AP1B1: variants seen among roughly 807,000 people sequenced by gnomAD.
AP1B1 encodes AP-1 complex subunit beta-1.
A neutral mutation model predicts 104.3 loss-of-function variants in AP1B1; 36 were observed. That is an observed-to-expected ratio of 0.35 (90% CI 0.26 to 0.46). The LOEUF is 0.46. Among genes scored for constraint, AP1B1 ranks in the 20% least tolerant of loss-of-function variants. The probability of loss-of-function intolerance (pLI) is 1.00; values close to 1 mark genes in which losing one functional copy is unlikely to be tolerated. For missense variants in AP1B1, 901 were observed against 1,247.9 expected (o/e 0.72, Z 4.19); for synonymous variants, 504 against 517.5 (o/e 0.97, Z 0.35).
intron 1 of AP1B1, among the ~76,000 whole-genome samples, chr22:29,371,786 T>TGG (rs2062243170): frequency 6.6e-6 from 1 of 152,160 alleles, no homozygotes; most frequent in South Asian, 2.1e-4. Context: ...ATTCCATCTT[T>TGG]GGAAGTGTCA....
rs114847226 is a variant in AP1B1, at chr22:29,371,114, A to G, written c.-27-3844T>C. On this transcript the variant is annotated intron_variant, in intron 1 of 22. Transcript: ENST00000357586. ...CTCACTTCACCATGAATGATTCCCT[A>G]CCTACAGCTTAGTGATGTACTGAGG... Among the ~76,000 whole-genome samples, 324 of 152,270 alleles carry G rather than the reference A, an allele frequency of 2.1e-3. 2 individuals carry two copies. The highest frequency in any genetic ancestry group is 7.5e-3 in the African/African-American group (312 of 41,554).
intron 1 of AP1B1, among the ~76,000 whole-genome samples, chr22:29,381,003 C>A (rs1285537905): frequency 6.6e-6 from 1 of 152,230 alleles, no homozygotes; most frequent in East Asian, 1.9e-4. Context: ...ACTCTTCTCC[C>A]CATCATTCCC....
chr22:29,367,697 C>G (rs1247560158), intron 1 of AP1B1, among the ~76,000 whole-genome samples: 1 of 152,156 alleles, frequency 6.6e-6, no homozygotes, highest in Non-Finnish European at 1.5e-5. Flanking sequence ...GTGGGACCCA[C>G]TTTGCTCAGC....
At chr22:29,341,466 G>A (rs1353679640) in intron 13 of AP1B1, 35 bp downstream of exon 13, 9 of 1,593,130 alleles carry the variant, frequency 5.6e-6, no homozygotes, top group African/African-American at 5.4e-5. Flanking sequence ...GAAGCAGAGT[G>A]TGAAGGCGCA....
chr22:29,374,771 C>T (rs1336201277), intron 1 of AP1B1, among the ~76,000 whole-genome samples: 1 of 152,230 alleles, frequency 6.6e-6, no homozygotes, highest in Admixed American at 6.5e-5. Flanking sequence ...GCTTCTAGGA[C>T]TTTACATGTG....
intron 2 of AP1B1, 131 bp downstream of exon 2, chr22:29,367,076 A>C (rs1396539741): frequency 2.9e-5 from 22 of 754,668 alleles, no homozygotes; most frequent in Non-Finnish European, 4.8e-5. Context: ...ATCTACCACA[A>C]GCTCTAGGCC....
intron 1 of AP1B1, among the ~76,000 whole-genome samples, chr22:29,387,544 G>A (rs1412265679): frequency 6.6e-6 from 1 of 152,066 alleles, no homozygotes; most frequent in Non-Finnish European, 1.5e-5. Context: ...CTGACCTCAC[G>A]ATCCACCCGC....
chr22:29,364,120 G>A (rs2062094625), intron 2 of AP1B1, among the ~76,000 whole-genome samples: 1 of 152,218 alleles, frequency 6.6e-6, no homozygotes, highest in African/African-American at 2.4e-5. Flanking sequence ...GGCTTGCGGG[G>A]TGAGAGCAGG....
intron 1 of AP1B1, among the ~76,000 whole-genome samples, chr22:29,375,568 G>C (rs1437538738): frequency 6.6e-6 from 1 of 152,012 alleles, no homozygotes; most frequent in Non-Finnish European, 1.5e-5. Context: ...TAAGATGAGA[G>C]AGCTGTGACA....
intron 22 of AP1B1, chr22:29,329,406 G>A (rs1393412510): frequency 4.7e-6 from 6 of 1,282,180 alleles, no homozygotes; most frequent in African/African-American, 3.1e-5. Flanking sequence ...GAGGAGAGAG[G>A]AGCCCCCACC....
At chr22:29,336,009 C>T (rs2061632669) in intron 16 of AP1B1, among the ~76,000 whole-genome samples, 1 of 152,206 alleles carries the variant, frequency 6.6e-6, no homozygotes, top group African/African-American at 2.4e-5. Flanking sequence ...TCGCCCAAGG[C>T]TGGGGATGCA....
intron 3 of AP1B1, among the ~76,000 whole-genome samples, chr22:29,362,254 A>G (rs2148009995): frequency 6.6e-6 from 1 of 152,348 alleles, no homozygotes; most frequent in African/African-American, 2.4e-5. Context: ...TCCAATCTGC[A>G]CGTGTGTTTT....
chr22:29,361,535 G>C (rs930446762), intron 3 of AP1B1, among the ~76,000 whole-genome samples: 3 of 152,016 alleles, frequency 2.0e-5, no homozygotes, highest in Non-Finnish European at 4.4e-5. Context: ...CTACAATATG[G>C]GAATTGTAAG....
At chr22:29,330,563 A>C (rs764838259) in intron 20 of AP1B1, 31 bp from the exon 21 acceptor site, 9 of 1,610,424 alleles carry the variant, frequency 5.6e-6, no homozygotes, top group South Asian at 1.1e-5. Flanking sequence ...GAGAGGCCCC[A>C]GTCAGCGCGG....
At chr22:29,356,838 A>G (rs2061966233) in intron 5 of AP1B1, among the ~76,000 whole-genome samples, 1 of 152,156 alleles carries the variant, frequency 6.6e-6, no homozygotes, top group South Asian at 2.1e-4. Context: ...GAAAAACAAG[A>G]AAGACCTAGC....
chr22:29,340,759 A>G lies in AP1B1; in HGVS notation c.1895T>C (p.Leu632Pro). Reference sequence around the variant, plus strand: ...TGGGGGGCCGAGGTCCAGGTTGAGGAGGTCACCCAGCAGGTCGCCCTGGGC... The same window carrying G: ...TGGGGGGCCGAGGTCCAGGTTGAGGGGGTCACCCAGCAGGTCGCCCTGGGC... Reference protein sequence around the residue: ...IPAQGDLLGDLLNLDLGPPVS... With the variant: ...IPAQGDLLGDPLNLDLGPPVS... The change falls in exon 14 of 23, where the codon CTC becomes CCC. Residue 632 changes from leucine to proline, a missense_variant. By Grantham distance (98) the Leu-to-Pro change is moderately conservative (BLOSUM62 -3). Around this residue, in one of 3 missense-constraint regions of AP1B1, gnomAD observed 424 missense variants for 494.0 expected, o/e 0.86. Transcript: ENST00000357586. The G allele has an allele frequency of 5.0e-6, 8 of 1,598,874 alleles. No individual in the cohort carries two copies. The highest frequency in any genetic ancestry group is 6.0e-6 in the Non-Finnish European group (7 of 1,173,960).
intron 21 of AP1B1, 124 bp from the exon 22 acceptor site, chr22:29,329,844 G>A: frequency 2.0e-6 from 3 of 1,532,510 alleles, no homozygotes; most frequent in Non-Finnish European, 2.6e-6. Flanking sequence ...GGACCCAGGA[G>A]GGGCAGTGTC....
intron 22 of AP1B1, chr22:29,329,380 C>A: frequency 8.1e-7 from 1 of 1,240,118 alleles, no homozygotes; most frequent in Non-Finnish European, 1.0e-6. Context: ...GGGGCCTGAG[C>A]TTGAGATCAC....
chr22:29,339,883 T>A, intron 14 of AP1B1, 109 bp from the exon 15 acceptor site: 1 of 1,145,608 alleles, frequency 8.7e-7, no homozygotes, highest in Non-Finnish European at 1.3e-6. Context: ...GGGAGATTAG[T>A]CAACGGTAGC....
Sources: gnomAD v4.1 joint callset for allele counts (sites outside exome capture counted in the v4.1 genomes callset) on GRCh38, gnomAD v4.1.1 for gene constraint, gnomAD v4.1.1 regional missense constraint, MANE v1.5 for transcripts, NCBI Gene and HGNC (gene_info 2026-07-23, HGNC 2026-07-21) for gene names.